The following SLC67A1 variants were observed in gnomAD, a reference collection of about 807,000 sequenced individuals.
SLC67A1 encodes solute carrier family 67 member 1, also known as solute carrier family 67 member A1.
the SLC67A1 span, among the ~76,000 whole-genome samples, chr11:2,904,913 C>T: frequency 6.6e-6 from 1 of 152,144 alleles, no homozygotes; most frequent in Non-Finnish European, 1.5e-5. Context: ...CAAAGAACTC[C>T]GGGCTGGTGA....
chr11:2,909,180 G>T, the SLC67A1 span: 7 of 1,494,094 alleles, frequency 4.7e-6, no homozygotes, highest in African/African-American at 1.0e-4. Flanking sequence ...GGTCCGACCC[G>T]CCCCTCGGCC....
the SLC67A1 span, among the ~76,000 whole-genome samples, chr11:2,924,715 C>T: frequency 0.15 from 23,371 of 152,138 alleles, 2,157 homozygotes; most frequent in South Asian, 0.21. This position sits in a 1 kb window ranked among gnomAD's most constrained non-coding sequence, Gnocchi z 8.6. Flanking sequence ...GCCCAATGCC[C>T]TGGGAAGCAC....
At chr11:2,918,149 G>A in the SLC67A1 span, 1 of 1,419,094 alleles carries the variant, frequency 7.0e-7, no homozygotes, top group Non-Finnish European at 9.9e-7. Flanking sequence ...AGTCCCAGCT[G>A]CGGCCAGGGC....
chr11:2,919,408 GT>G, the SLC67A1 span: 1 of 1,612,246 alleles, frequency 6.2e-7, no homozygotes, highest in South Asian at 1.1e-5. Flanking sequence ...CCTCCAGATG[GT>G]GAGTGGGCAC....
chr11:2,919,029 C>A, the SLC67A1 span: 7 of 426,138 alleles, frequency 1.6e-5, no homozygotes, highest in Non-Finnish European at 3.0e-5. Flanking sequence ...GGGGCCAAAT[C>A]CTCCCACGTG....
At chr11:2,925,029 C>CGCCTCTGT in the SLC67A1 span, 2 of 1,612,072 alleles carry the variant, frequency 1.2e-6, no homozygotes, top group Non-Finnish European at 1.7e-6. The surrounding 1 kb of genome is among the most constrained non-coding windows in gnomAD (Gnocchi z 6.5). Context: ...TGGGCCTCTG[C>CGCCTCTGT]GCCTCTGTAC....
chr11:2,901,721 A>G, the SLC67A1 span, among the ~76,000 whole-genome samples: 236 of 152,198 alleles, frequency 1.6e-3, 2 homozygotes, highest in African/African-American at 5.2e-3. Flanking sequence ...TGGGCTCTCA[A>G]CTGCTCCTAG....
At chr11:2,900,046 C>G in the SLC67A1 span, among the ~76,000 whole-genome samples, 1 of 152,168 alleles carries the variant, frequency 6.6e-6, no homozygotes, top group Non-Finnish European at 1.5e-5. Flanking sequence ...CTAAGACACT[C>G]TGAGACTCCT....
chr11:2,924,231 G>A, the SLC67A1 span, among the ~76,000 whole-genome samples: 73 of 152,336 alleles, frequency 4.8e-4, no homozygotes, highest in African/African-American at 1.6e-3. This position sits in a 1 kb window ranked among gnomAD's most constrained non-coding sequence, Gnocchi z 8.6. Flanking sequence ...AGGCTGCTGC[G>A]CAGGTCGGGG....
chr11:2,925,039 C>A, the SLC67A1 span: 3 of 1,613,160 alleles, frequency 1.9e-6, no homozygotes, highest in Non-Finnish European at 1.7e-6. This position sits in a 1 kb window ranked among gnomAD's most constrained non-coding sequence, Gnocchi z 6.5. Flanking sequence ...CGCCTCTGTA[C>A]AACCACTGCT....
chr11:2,921,766 C>T, the SLC67A1 span: 5 of 135,896 alleles, frequency 3.7e-5, no homozygotes. Context: ...AGCCTGCGGC[C>T]GAGCCTGTCC....
the SLC67A1 span, among the ~76,000 whole-genome samples, chr11:2,901,943 C>T: frequency 2.6e-5 from 4 of 152,256 alleles, no homozygotes; most frequent in Non-Finnish European, 5.9e-5. Flanking sequence ...CCTCCACCTC[C>T]CGGTCCCATC....
the SLC67A1 span, among the ~76,000 whole-genome samples, chr11:2,900,703 A>AAAAAAAAAAAAAAAG: frequency 6.7e-6 from 1 of 148,816 alleles, no homozygotes; most frequent in African/African-American, 2.4e-5. Flanking sequence ...AAAAAAAAAA[A>AAAAAAAAAAAAAAAG]AAAAAAAAAA....
the SLC67A1 span, among the ~76,000 whole-genome samples, chr11:2,912,592 C>A: frequency 6.6e-6 from 1 of 152,110 alleles, no homozygotes; most frequent in South Asian, 2.1e-4. Flanking sequence ...ACCTGGGCAG[C>A]AGGTGGGAGG....
At chr11:2,920,220 A>C in the SLC67A1 span, 1 of 152,242 alleles carries the variant, frequency 6.6e-6, no homozygotes, top group Non-Finnish European at 1.5e-5. Context: ...TAGTGCTAAA[A>C]TAGCTGCTCC....
chr11:2,901,392 C>T, the SLC67A1 span, among the ~76,000 whole-genome samples: 1 of 152,258 alleles, frequency 6.6e-6, no homozygotes, highest in African/African-American at 2.4e-5. Flanking sequence ...CTGCAGTTTT[C>T]TGCTCTGTGG....
chr11:2,925,014 C>T, the SLC67A1 span: 1 of 1,609,090 alleles, frequency 6.2e-7, no homozygotes, highest in Non-Finnish European at 8.5e-7. This position sits in a 1 kb window ranked among gnomAD's most constrained non-coding sequence, Gnocchi z 6.5. Context: ...CCCCAGGGAC[C>T]ATGCTGGGCC....
the SLC67A1 span, chr11:2,922,320 G>C: frequency 6.6e-7 from 1 of 1,517,356 alleles, no homozygotes; most frequent in African/African-American, 1.4e-5. Flanking sequence ...ACACCCACCC[G>C]GGGCCAGCTC....
chr11:2,903,087 G>A, the SLC67A1 span: 1 of 689,846 alleles, frequency 1.4e-6, no homozygotes, highest in Non-Finnish European at 2.1e-6. Flanking sequence ...TCCCCGGGAG[G>A]CTGTGTGCCT....
Sources: allele counts gnomAD v4.1 joint callset (sites outside exome capture counted in the v4.1 genomes callset), GRCh38; gene constraint gnomAD v4.1.1; non-coding constraint Gnocchi (gnomAD v3.1); transcripts MANE v1.5; gene names NCBI Gene and HGNC (gene_info 2026-07-23, HGNC 2026-07-21).